Variants in SHROOM2 observed in about 807,000 individuals in gnomAD.
The protein encoded by SHROOM2 is shroom family member 2, also known as protein Shroom2.
SHROOM2 carries 33 observed loss-of-function variants against 75.9 expected under a neutral mutation model. The observed-to-expected ratio is 0.43, with a 90% CI of 0.33 to 0.58. The LOEUF (loss-of-function observed/expected upper bound fraction) is 0.58, where lower values mean the gene tolerates loss of function less well. Among genes scored for constraint, SHROOM2 ranks in the 20% least tolerant of loss-of-function variants. The pLI, the probability that SHROOM2 is intolerant of heterozygous loss-of-function variation, is 0.04. For synonymous variants in SHROOM2, 655 were observed against 663.6 expected, an observed-to-expected ratio of 0.99 and a Z score of 0.20; for missense variants, 1,434 against 1,461.2, an observed-to-expected ratio of 0.98 and a Z score of 0.30.
At chrX:9,939,554 A>C (rs1279819082) in intron 8 of SHROOM2, among the ~76,000 whole-genome samples, 188 bp downstream of exon 8, 2 of 112,299 alleles carry the variant, frequency 1.8e-5, no homozygotes, top group African/African-American at 6.5e-5. Context: ...TCTATGTCCT[A>C]ATCTTGAGCC....
chrX:9,871,472 C>G (rs2084170868), intron 1 of SHROOM2, among the ~76,000 whole-genome samples: 1 of 111,719 alleles, frequency 9.0e-6, no homozygotes, highest in African/African-American at 3.3e-5. Flanking sequence ...CCCAGTCTCC[C>G]CCAGGTATCG....
chrX:9,786,611 C>A lies in SHROOM2; in HGVS notation c.66C>A (p.Asp22Glu). 1 of 878,237 alleles carries A rather than the reference C, an allele frequency of 1.1e-6. No homozygotes were observed. Among genetic ancestry groups the A allele is most frequent in the Admixed American group, 6.5e-5 (1 of 15,294 alleles). 72.4% of individuals were successfully genotyped at this position (878,237 alleles called of 1,213,427 possible). ...RLAEAETRAA[D>E]GGRLVEVQLS... is the part of the protein sequence containing the mutation. ...CCGAGGCCGAGACGCGGGCGGCGGACGGCGGGCGCCTGGTGGAGGTGCAGC... is the reference window on the plus strand; with the variant it reads ...CCGAGGCCGAGACGCGGGCGGCGGAAGGCGGGCGCCTGGTGGAGGTGCAGC... Residue 22 changes from aspartate to glutamate, a missense_variant, in exon 1 of 10, where the codon GAC becomes GAA. Around this residue, in one of 3 missense-constraint regions of SHROOM2, gnomAD observed 1,340 missense variants for 1,338.3 expected, o/e 1.00. Transcript: ENST00000380913.
At chrX:9,803,118 T>G (rs1275473995) in intron 1 of SHROOM2, among the ~76,000 whole-genome samples, 6 of 104,829 alleles carry the variant, frequency 5.7e-5, no homozygotes, top group Non-Finnish European at 7.8e-5. Context: ...TTTTTTTTTT[T>G]TGTGGAGATG....
At chrX:9,804,906 C>T (rs1296125452) in intron 1 of SHROOM2, among the ~76,000 whole-genome samples, 1 of 110,930 alleles carries the variant, frequency 9.0e-6, no homozygotes, top group Non-Finnish European at 1.9e-5. Context: ...TGTCCCGTGT[C>T]ACCAAGTCAC....
At chrX:9,930,417 A>C (rs751124481) in intron 5 of SHROOM2, among the ~76,000 whole-genome samples, 1 of 108,121 alleles carries the variant, frequency 9.2e-6, no homozygotes, top group Non-Finnish European at 1.9e-5. Flanking sequence ...AGGGAGGTTG[A>C]GGTGGGAGGA....
At chrX:9,931,743 C>G (rs1436884277) in intron 5 of SHROOM2, among the ~76,000 whole-genome samples, 1 of 111,480 alleles carries the variant, frequency 9.0e-6, no homozygotes, top group African/African-American at 3.3e-5. Context: ...AAAGGTTTAC[C>G]CCTTTGTATA....
intron 5 of SHROOM2, among the ~76,000 whole-genome samples, chrX:9,915,358 G>C (rs2084480811): frequency 9.0e-6 from 1 of 110,800 alleles, no homozygotes; most frequent in South Asian, 3.8e-4. Context: ...ATATATATGA[G>C]ACACACGCAC....
In SHROOM2 at chrX:9,887,919, A is replaced by G. The variant is rs1471228928; in HGVS notation, c.318-3058A>G. ...TCCATATCTGTGCTGCCCAGGCAGT[A>G]GCCACTACCCACATGTGGCCATTGA... On this transcript the variant is annotated intron_variant, in intron 2 of 9. Transcript: ENST00000380913. Among the ~76,000 whole-genome samples the G allele has an allele frequency of 3.5e-5, 4 of 113,413 alleles. No individual in the cohort carries two copies. The East Asian group carries it at 1.1e-3, about 32-fold the overall frequency.
chrX:9,922,422 C>G (rs1458828837), intron 5 of SHROOM2, among the ~76,000 whole-genome samples: 2 of 110,020 alleles, frequency 1.8e-5, no homozygotes, highest in African/African-American at 6.8e-5. Context: ...CCTTTGTACT[C>G]TTTCCAATGA....
At chrX:9,891,635 C>T (rs752654000) in intron 3 of SHROOM2, among the ~76,000 whole-genome samples, 5 of 110,839 alleles carry the variant, frequency 4.5e-5, no homozygotes, top group Non-Finnish European at 7.6e-5. Context: ...TCCCTGCTTG[C>T]GTGAGTGTGT....
At chrX:9,896,889 C>T (rs2084335700) in intron 4 of SHROOM2, among the ~76,000 whole-genome samples, 191 bp downstream of exon 4, 1 of 112,683 alleles carries the variant, frequency 8.9e-6, no homozygotes, top group Non-Finnish European at 1.9e-5. Flanking sequence ...TTTAAACTGC[C>T]ATATTCCCGA....
Position 9,948,272 on chromosome X carries a change from A to C in SHROOM2, c.*1335A>C. 8.9e-6 allele frequency: 1 copy of C among 112,768 alleles called. No individual in the cohort carries two copies. The highest frequency in any genetic ancestry group is 4.6e-3 in the Middle Eastern group (1 of 218). 9.3% of individuals were successfully genotyped at this position (112,768 alleles called of 1,213,427 possible). A position where few individuals can be genotyped will look rare whatever the true frequency, so the allele number is the denominator to read the frequency against. Reference sequence around the variant, plus strand: ...GTTCAGCCGCCGATGGCTTGGTTATAATTTATAACTTACTTATTTTTATCT... The same window carrying C: ...GTTCAGCCGCCGATGGCTTGGTTATCATTTATAACTTACTTATTTTTATCT... On this transcript the variant is annotated 3_prime_UTR_variant, in exon 10 of 10. Coordinates refer to ENST00000380913, the MANE Select transcript of SHROOM2 (RefSeq NM_001649.4).
At chrX:9,866,098 T>G (rs1303497967) in intron 1 of SHROOM2, among the ~76,000 whole-genome samples, 1 of 106,048 alleles carries the variant, frequency 9.4e-6, no homozygotes, top group Non-Finnish European at 1.9e-5. Flanking sequence ...TTTTTTTTTT[T>G]TTTTTTTTTT....
At chrX:9,864,819 C>T (rs1234162872) in intron 1 of SHROOM2, among the ~76,000 whole-genome samples, 11 of 42,627 alleles carry the variant, frequency 2.6e-4, no homozygotes, top group Non-Finnish European at 1.0e-3. Context: ...AGCGAGACTC[C>T]GTCTCAAAAA....
intron 1 of SHROOM2, among the ~76,000 whole-genome samples, chrX:9,817,367 T>C (rs753995993): frequency 1.8e-5 from 2 of 110,474 alleles, no homozygotes; most frequent in Non-Finnish European, 3.8e-5. Context: ...AATGCTTAGG[T>C]TTACTAGTAA....
intron 5 of SHROOM2, among the ~76,000 whole-genome samples, chrX:9,914,321 C>G (rs936626972): frequency 1.8e-5 from 2 of 109,618 alleles, no homozygotes; most frequent in Non-Finnish European, 3.8e-5. Flanking sequence ...GGGCTGGCTG[C>G]TCTTCCAGAG....
chrX:9,892,894 C>T (rs2084302107), intron 3 of SHROOM2, among the ~76,000 whole-genome samples: 1 of 112,230 alleles, frequency 8.9e-6, no homozygotes, highest in Non-Finnish European at 1.9e-5. Context: ...AAGCACTTAA[C>T]ATCCTGGATA....
chrX:9,939,466 T>A (rs1185831301), intron 8 of SHROOM2, 100 bp downstream of exon 8: 1 of 742,936 alleles, frequency 1.3e-6, no homozygotes, highest in Non-Finnish European at 1.9e-6. Flanking sequence ...GCACCACGTG[T>A]CCCAGGGCGT....
At chrX:9,928,615 C>T (rs2084617559) in intron 5 of SHROOM2, among the ~76,000 whole-genome samples, 1 of 111,678 alleles carries the variant, frequency 9.0e-6, no homozygotes, top group Non-Finnish European at 1.9e-5. Flanking sequence ...CGGGCACACA[C>T]TCACAACATG....
Sources: gnomAD v4.1 joint callset for allele counts (sites outside exome capture counted in the v4.1 genomes callset) on GRCh38, gnomAD v4.1.1 for gene constraint, gnomAD v4.1.1 regional missense constraint, MANE v1.5 for transcripts, NCBI Gene and HGNC (gene_info 2026-07-23, HGNC 2026-07-21) for gene names.